TRIOBP: variants seen among roughly 807,000 people sequenced by gnomAD.
The protein encoded by TRIOBP is TRIO and F-actin binding protein.
TRIOBP carries 169 observed loss-of-function variants against 238.8 expected under a neutral mutation model. The ratio of observed to expected loss-of-function variants is 0.71; its 90% CI spans 0.62 to 0.80. The LOEUF (loss-of-function observed/expected upper bound fraction) is 0.80, where lower values mean the gene tolerates loss of function less well. Ranked by LOEUF, TRIOBP falls within the 30% of genes least tolerant of loss-of-function variation. The pLI is 0.00. For missense variants in TRIOBP, 2,838 were observed against 3,122.6 expected (o/e 0.91, Z 2.17); for synonymous variants, 1,150 against 1,274.4 (o/e 0.90, Z 2.08).
chr22:37,721,871 T>C (rs1923846331), intron 6 of TRIOBP, among the ~76,000 whole-genome samples: 1 of 152,226 alleles, frequency 6.6e-6, no homozygotes, highest in Admixed American at 6.5e-5. Context: ...GCTCAACACC[T>C]GCTTGGTGAC....
At position 37,735,559 on chromosome 22, in the gene TRIOBP, A is replaced by G. The variant is rs928504677; in HGVS notation, c.5106+117A>G. 65 of 1,248,708 alleles carry G rather than the reference A, an allele frequency of 5.2e-5. No homozygotes were observed. In the African/African-American group the frequency reaches 8.7e-4, roughly 17 times the overall value. The allele number at this position is 1,248,708 out of a possible 1,614,324, so 77.4% of individuals were successfully genotyped here. A position where few individuals can be genotyped will look rare whatever the true frequency, so the allele number is the denominator to read the frequency against. On this transcript the variant is annotated intron_variant, in intron 9 of 23. Coordinates refer to ENST00000644935, the MANE Select transcript of TRIOBP (RefSeq NM_001039141.3). ...AGCTCCTGCATCCCCCTCCAGGCTC[A>G]GACCTCAGCCTCCCTGCTGACCACA... is the stretch of plus-strand genomic sequence containing the variant.
chr22:37,712,418 A>G (rs5756791), intron 4 of TRIOBP, among the ~76,000 whole-genome samples: 146,571 of 151,440 alleles, frequency 0.97, 70,961 homozygotes, highest in East Asian at 1. Context: ...TGCAACCTCC[A>G]CCTCCTGGCT....
intron 5 of TRIOBP, 27 bp from the exon 6 acceptor site, chr22:37,715,736 A>G (rs1253043196): frequency 1.2e-6 from 2 of 1,612,248 alleles, no homozygotes; most frequent in South Asian, 1.1e-5. Flanking sequence ...TCCCGCAAAC[A>G]TACTTTCTCC....
intron 7 of TRIOBP, among the ~76,000 whole-genome samples, chr22:37,732,934 C>T (rs1182194675): frequency 6.6e-6 from 1 of 152,232 alleles, no homozygotes; most frequent in African/African-American, 2.4e-5. Flanking sequence ...CCAGTCTAAC[C>T]TTTGTCTGGG....
intron 9 of TRIOBP, among the ~76,000 whole-genome samples, chr22:37,735,646 A>G (rs1924635939): frequency 6.6e-6 from 1 of 152,208 alleles, no homozygotes; most frequent in South Asian, 2.1e-4. Context: ...TTAAGCGTTT[A>G]TGGGCCAAGC....
chr22:37,702,727 G>A (rs1922726215), intron 3 of TRIOBP, among the ~76,000 whole-genome samples: 1 of 137,074 alleles, frequency 7.3e-6, no homozygotes, highest in Non-Finnish European at 1.5e-5. Flanking sequence ...ATGGCTCACT[G>A]TAGCCTCGAC....
chr22:37,725,704 G>A lies in TRIOBP; in HGVS notation c.3148G>A (p.Glu1050Lys). 6.2e-7 allele frequency: 1 copy of A among 1,611,770 alleles called. No homozygotes were observed. Among genetic ancestry groups the A allele is most frequent in the Non-Finnish European group, 8.5e-7 (1 of 1,179,458 alleles). The change falls in exon 7 of 24, where the codon GAA (glutamate) becomes AAA (lysine). Residue 1050 changes from glutamate to lysine, a missense_variant. This residue lies in a region of TRIOBP where 2,096 missense variants were observed against 2,137.4 expected (regional missense o/e 0.98). Transcript: ENST00000644935. ...CCCAGAGCCCCGCGCCCCTGAGAGT[G>A]AACCGCCCCACCACGAGCCTCCCTA... ...FFPEPRAPES[E>K]PPHHEPPYIP...
At chr22:37,764,882 G>C (rs1926406768) in intron 17 of TRIOBP, among the ~76,000 whole-genome samples, 3 of 152,244 alleles carry the variant, frequency 2.0e-5, no homozygotes, top group Admixed American at 6.5e-5. Flanking sequence ...GTTTGGCAGA[G>C]GTAGAACCTT....
Position 37,723,331 on chromosome 22 carries a change from G to A in TRIOBP, c.775G>A (p.Ala259Thr). ...TGGACCTCGAAGCACCACGTCTCAG[G>A]CTTCTCCTGCCCAAAGGGACACTGC... The part of the protein sequence containing the change: ...HSGPRSTTSQ[A>T]SPAQRDTAQA... Residue 259 changes from alanine to threonine, a missense_variant, in exon 7 of 24, where the codon GCT becomes ACT. Coordinates refer to ENST00000644935, the MANE Select transcript of TRIOBP (RefSeq NM_001039141.3). 1 of 1,614,074 alleles carries A rather than the reference G, an allele frequency of 6.2e-7. No homozygotes were observed. Among genetic ancestry groups the A allele is most frequent in the Non-Finnish European group, 8.5e-7 (1 of 1,179,980 alleles).
chr22:37,772,898 G>A (rs1926854895), intron 23 of TRIOBP, 134 bp downstream of exon 23: 1 of 1,131,870 alleles, frequency 8.8e-7, no homozygotes, highest in Admixed American at 2.2e-5. Flanking sequence ...AAAGGACAAT[G>A]AAACCAGCAA....
Position 37,738,625 on chromosome 22 carries a change from C to T in TRIOBP, c.5107-17C>T. On this transcript the variant is annotated splice_polypyrimidine_tract_variant and intron_variant, in intron 9 of 23. Coordinates refer to ENST00000644935, the MANE Select transcript of TRIOBP (RefSeq NM_001039141.3). The stretch of plus-strand genomic sequence containing the variant: ...AGAATAAGTTGGGCTAAGCTGTGTT[C>T]TTTTTTTAATCTCCAGTTCCAACCA... 1.9e-6 allele frequency: 3 copies of T among 1,613,070 alleles called. No individual in the cohort carries two copies. The highest frequency in any genetic ancestry group is 2.5e-6 in the Non-Finnish European group (3 of 1,179,468).
At chr22:37,753,501 A>T (rs991423703) in intron 12 of TRIOBP, among the ~76,000 whole-genome samples, 2 of 151,864 alleles carry the variant, frequency 1.3e-5, no homozygotes, top group South Asian at 4.2e-4. Flanking sequence ...CTGGTCTCGA[A>T]CTCCTGACCT....
At chr22:37,707,394 G>A (rs867865615) in intron 3 of TRIOBP, among the ~76,000 whole-genome samples, 13 of 152,120 alleles carry the variant, frequency 8.5e-5, no homozygotes, top group South Asian at 6.2e-4. Flanking sequence ...ATGGTGCCAC[G>A]TGGTCAGGCA....
chr22:37,734,858 A>C lies in TRIOBP; in HGVS notation c.4522A>C (p.Lys1508Gln). 1 of 1,612,934 alleles carries C rather than the reference A, an allele frequency of 6.2e-7. No homozygotes were observed. The highest frequency in any genetic ancestry group is 1.1e-5 in the South Asian group (1 of 91,072). ...PTHELPRELGKRSPLTSPPEN... is the reference protein window; with the variant it reads ...PTHELPRELGQRSPLTSPPEN... ...TCATGAGCTCCCCAGAGAACTAGGA[A>C]AGAGAAGCCCACTCACGAGCCCCCC... Residue 1508 changes from lysine to glutamine, a missense_variant, in exon 9 of 24, where the codon AAG becomes CAG. Physicochemically the swap from Lys to Gln is moderately conservative, Grantham distance 53. Coordinates refer to ENST00000644935, the MANE Select transcript of TRIOBP (RefSeq NM_001039141.3).
At position 37,743,469 on chromosome 22, in the gene TRIOBP, T is replaced by C. The variant is rs1417339567; in HGVS notation, c.5322+2437T>C. Among the ~76,000 whole-genome samples, 6 of 152,218 alleles carry C rather than the reference T, an allele frequency of 3.9e-5. No homozygotes were observed. In the East Asian group the frequency reaches 9.7e-4, roughly 25 times the overall value. ...GCTGTCTCTGACCTGCCAGGATGAGTTGTGGTTTCTTCATTGGTGCATTCA... is the reference window on the plus strand; with the variant it reads ...GCTGTCTCTGACCTGCCAGGATGAGCTGTGGTTTCTTCATTGGTGCATTCA... On this transcript the variant is annotated intron_variant, in intron 11 of 23. Transcript: ENST00000644935.
chr22:37,743,844 T>C lies in TRIOBP; in HGVS notation c.5322+2812T>C, dbSNP rs534539052. On this transcript the variant is annotated intron_variant, in intron 11 of 23. Coordinates refer to ENST00000644935, the MANE Select transcript of TRIOBP (RefSeq NM_001039141.3). ...GTGTGTGTGTGTGTGTGTGTGTGTG[T>C]GCTGGGTGTGTGTGAGTGTGTGCTG... Among the ~76,000 whole-genome samples the C allele has an allele frequency of 4.3e-3, 478 of 110,292 alleles. 3 individuals carry two copies. The highest frequency in any genetic ancestry group is 0.018 in the African/African-American group (457 of 26,060). 72.4% of individuals were successfully genotyped at this position (110,292 alleles called of 152,430 possible).
At chr22:37,747,984 C>G (rs1328714027) in intron 11 of TRIOBP, among the ~76,000 whole-genome samples, 1 of 152,178 alleles carries the variant, frequency 6.6e-6, no homozygotes, top group Non-Finnish European at 1.5e-5. Context: ...GTGGCAGCAG[C>G]CTTCCTGAGG....
At chr22:37,748,557 C>T (rs565866501) in intron 11 of TRIOBP, among the ~76,000 whole-genome samples, 1 of 150,174 alleles carries the variant, frequency 6.7e-6, no homozygotes, top group Non-Finnish European at 1.5e-5. Flanking sequence ...ATTTCCTGGC[C>T]TAGAACAGTG....
At chr22:37,756,797 G>T (rs927491765) in intron 15 of TRIOBP, among the ~76,000 whole-genome samples, 9 of 145,910 alleles carry the variant, frequency 6.2e-5, no homozygotes, top group African/African-American at 2.5e-4. Flanking sequence ...TATGACTGTG[G>T]ATAAAGAGAA....
Sources: allele counts gnomAD v4.1 joint callset (sites outside exome capture counted in the v4.1 genomes callset), GRCh38; gene constraint gnomAD v4.1.1; regional missense constraint gnomAD v4.1.1; transcripts MANE v1.5; gene names NCBI Gene and HGNC (gene_info 2026-07-23, HGNC 2026-07-21).